FBXL17: variants seen among roughly 807,000 people sequenced by gnomAD.
FBXL17 encodes the protein F-box/LRR-repeat protein 17.
In FBXL17, 22 loss-of-function variants were observed where a neutral mutation model predicts 66.2. The observed-to-expected ratio is 0.33, with a 90% CI of 0.24 to 0.47. The LOEUF (loss-of-function observed/expected upper bound fraction) is 0.47. Ranked by LOEUF, FBXL17 falls within the 20% of genes least tolerant of loss-of-function variation. The pLI is 1.00. For missense variants in FBXL17, 878 were observed against 948.2 expected (o/e 0.93, Z 0.97); for synonymous variants, 474 against 400.5 (o/e 1.18, Z -2.19).
At chr5:108,090,919 T>C (rs1363360730) in intron 6 of FBXL17, among the ~76,000 whole-genome samples, 1 of 151,960 alleles carries the variant, frequency 6.6e-6, no homozygotes, top group Non-Finnish European at 1.5e-5. Context: ...TAAACATGAA[T>C]ACATAGTCAC....
chr5:108,170,834 C>G (rs914482369), intron 6 of FBXL17, among the ~76,000 whole-genome samples: 1 of 152,088 alleles, frequency 6.6e-6, no homozygotes, highest in African/African-American at 2.4e-5. Flanking sequence ...GTGCCCAGCA[C>G]TGTAAGACTT....
chr5:108,130,763 G>T (rs541648066), intron 6 of FBXL17, among the ~76,000 whole-genome samples: 1 of 152,128 alleles, frequency 6.6e-6, no homozygotes, highest in South Asian at 2.1e-4. Context: ...TGGGCTCAAA[G>T]ATGGCACAAC....
intron 6 of FBXL17, among the ~76,000 whole-genome samples, chr5:108,146,163 C>T (rs1204586503): frequency 6.6e-6 from 1 of 151,378 alleles, no homozygotes; most frequent in Non-Finnish European, 1.5e-5. Flanking sequence ...ATCCGAGAGG[C>T]AGAGCTTGCA....
rs1354748249 is a variant in FBXL17, at chr5:108,347,171, C to T, written c.1506+1228G>A. Among the ~76,000 whole-genome samples the T allele has an allele frequency of 3.9e-5, 6 of 152,258 alleles. No homozygotes were observed. In the East Asian group the frequency reaches 7.7e-4, roughly 20 times the overall value. ...ACACAAACCTAGAGCATACAGAAAG[C>T]CCTGGGCCATATGGTATAGCTTTTA... On this transcript the variant is annotated intron_variant, in intron 4 of 8. Coordinates refer to ENST00000542267, the MANE Select transcript of FBXL17 (RefSeq NM_001163315.3).
chr5:108,284,491 T>TA (rs1226581575), intron 4 of FBXL17, among the ~76,000 whole-genome samples: 2 of 151,796 alleles, frequency 1.3e-5, no homozygotes, highest in Admixed American at 6.6e-5. Flanking sequence ...AAGTGTATGC[T>TA]AAAAAATGAG....
intron 7 of FBXL17, among the ~76,000 whole-genome samples, chr5:107,947,769 C>T (rs1283802908): frequency 6.6e-6 from 1 of 152,170 alleles, no homozygotes; most frequent in African/African-American, 2.4e-5. Flanking sequence ...AGAATAACTT[C>T]TCTGGTCAAC....
intron 7 of FBXL17, among the ~76,000 whole-genome samples, chr5:107,953,325 C>T (rs894197864): frequency 1.3e-5 from 2 of 150,380 alleles, no homozygotes; most frequent in Non-Finnish European, 3.0e-5. Context: ...ATGGCGTGAA[C>T]CCAGGAAGTG....
At chr5:108,140,790 A>C (rs1228586490) in intron 6 of FBXL17, among the ~76,000 whole-genome samples, 3 of 152,094 alleles carry the variant, frequency 2.0e-5, no homozygotes, top group Non-Finnish European at 4.4e-5. Context: ...TTATTCATTG[A>C]ATGGTACCAC....
intron 6 of FBXL17, among the ~76,000 whole-genome samples, chr5:108,180,290 A>T (rs537820906): frequency 2.4e-4 from 37 of 152,168 alleles, no homozygotes; most frequent in African/African-American, 7.5e-4. Flanking sequence ...GTAGGCAGAT[A>T]ACTTGAGGTC....
At chr5:107,911,595 A>G (rs1197917255) in intron 7 of FBXL17, among the ~76,000 whole-genome samples, 1 of 152,118 alleles carries the variant, frequency 6.6e-6, no homozygotes, top group Non-Finnish European at 1.5e-5. Flanking sequence ...GAAGGCATCC[A>G]GAGATTATGA....
chr5:108,024,119 T>C (rs1754704236), intron 6 of FBXL17, among the ~76,000 whole-genome samples: 1 of 152,106 alleles, frequency 6.6e-6, no homozygotes, highest in Admixed American at 6.6e-5. Flanking sequence ...ATGGCCATTC[T>C]CTATGGATCA....
At chr5:108,346,996 AG>A (rs1747320636) in intron 4 of FBXL17, among the ~76,000 whole-genome samples, 1 of 152,222 alleles carries the variant, frequency 6.6e-6, no homozygotes, top group Non-Finnish European at 1.5e-5. Context: ...CAACTAAAAA[AG>A]CAAGTCTTCT....
intron 4 of FBXL17, among the ~76,000 whole-genome samples, chr5:108,309,921 T>C (rs1206979302): frequency 6.6e-6 from 1 of 152,140 alleles, no homozygotes; most frequent in Non-Finnish European, 1.5e-5. Context: ...CAAGAAATAT[T>C]CTATATTCAA....
rs76896187 is a variant in FBXL17 at position 107,994,234 on chromosome 5, A to G, written c.1822+26691T>C. On this transcript the variant is annotated intron_variant, in intron 7 of 8. Coordinates refer to ENST00000542267, the MANE Select transcript of FBXL17 (RefSeq NM_001163315.3). ...GATATCGCAAATATTGATTTTAAAA[A>G]TAAAATCCTCTGTTTTAATGCCAAA... Among the ~76,000 whole-genome samples, 1,083 of 152,294 alleles carry G rather than the reference A, an allele frequency of 7.1e-3. 15 individuals carry two copies. Among genetic ancestry groups the G allele is most frequent in the African/African-American group, 0.025 (1,035 of 41,558 alleles).
intron 7 of FBXL17, among the ~76,000 whole-genome samples, chr5:108,009,284 T>TAG (rs1191647313): frequency 2.4e-4 from 6 of 24,550 alleles, no homozygotes; most frequent in Non-Finnish European, 4.5e-4. Context: ...TATATATATA[T>TAG]ATATATATAT....
chr5:108,363,407 A>G (rs1201915103), intron 3 of FBXL17, among the ~76,000 whole-genome samples: 2 of 151,936 alleles, frequency 1.3e-5, no homozygotes, highest in Non-Finnish European at 2.9e-5. Flanking sequence ...ATGAGATCCT[A>G]TGTAATTACT....
At chr5:107,966,297 A>G (rs566417566) in intron 7 of FBXL17, among the ~76,000 whole-genome samples, 2 of 152,224 alleles carry the variant, frequency 1.3e-5, no homozygotes, top group Admixed American at 6.5e-5. Flanking sequence ...GGGATATTAC[A>G]TTTAGTACCA....
At chr5:108,214,094 C>G (rs755140053) in intron 5 of FBXL17, among the ~76,000 whole-genome samples, 16 of 152,148 alleles carry the variant, frequency 1.1e-4, no homozygotes, top group Non-Finnish European at 1.9e-4. Flanking sequence ...ACTTTTATAA[C>G]AACATATTGT....
chr5:108,154,784 T>G (rs900607104), intron 6 of FBXL17, among the ~76,000 whole-genome samples: 1 of 150,064 alleles, frequency 6.7e-6, no homozygotes, highest in African/African-American at 2.5e-5. Context: ...AGAGGAACCA[T>G]GAAGGAGACC....
Sources: gnomAD v4.1 joint callset for allele counts (sites outside exome capture counted in the v4.1 genomes callset) on GRCh38, gnomAD v4.1.1 for gene constraint, MANE v1.5 for transcripts, NCBI Gene and HGNC (gene_info 2026-07-23, HGNC 2026-07-21) for gene names.